Variants in EML6 observed in about 807,000 individuals in gnomAD.
The protein encoded by EML6 is echinoderm microtubule-associated protein-like 6.
EML6 carries 154 observed loss-of-function variants against 240.1 expected under a neutral mutation model. The observed-to-expected ratio is 0.64, with a 90% CI of 0.56 to 0.73. EML6 has a LOEUF of 0.73. Among genes scored for constraint, EML6 ranks in the 30% least tolerant of loss-of-function variants. The probability of loss-of-function intolerance (pLI) is 0.00; values close to 1 mark genes in which losing one functional copy is unlikely to be tolerated. For missense variants in EML6, 2,964 were observed against 2,474.6 expected (o/e 1.20, Z -4.20); for synonymous variants, 1,148 against 899.0 (o/e 1.28, Z -4.95).
chr2:54,837,527 G>T (rs566881271), intron 7 of EML6, among the ~76,000 whole-genome samples: 5 of 152,168 alleles, frequency 3.3e-5, no homozygotes, highest in African/African-American at 1.2e-4. Flanking sequence ...GGGCTTGCTT[G>T]TTTATCTCAA....
chr2:54,871,434 C>T (rs987531288), intron 15 of EML6, 66 bp from the exon 16 acceptor site: 17 of 1,282,652 alleles, frequency 1.3e-5, no homozygotes, highest in Non-Finnish European at 1.8e-5. Flanking sequence ...GTGTTGGACT[C>T]TAAGGAACAA....
intron 8 of EML6, among the ~76,000 whole-genome samples, chr2:54,846,298 A>G (rs530954433): frequency 1.3e-5 from 2 of 152,158 alleles, no homozygotes; most frequent in South Asian, 2.1e-4. Flanking sequence ...ATATATTTCA[A>G]TCTGTGTGTG....
intron 17 of EML6, among the ~76,000 whole-genome samples, chr2:54,884,393 A>G (rs920795893): frequency 1.3e-5 from 2 of 152,124 alleles, no homozygotes; most frequent in African/African-American, 4.8e-5. Context: ...AGGCTTCATT[A>G]CATAGGCATG....
At chr2:54,957,354 G>A (rs1478812389) in intron 32 of EML6, among the ~76,000 whole-genome samples, 25 of 106,458 alleles carry the variant, frequency 2.3e-4, no homozygotes, top group East Asian at 5.8e-4. Context: ...AGAATCTTAG[G>A]AAAAAAAAAA....
intron 21 of EML6, among the ~76,000 whole-genome samples, chr2:54,896,266 C>A (rs1247082456): frequency 6.6e-6 from 1 of 152,142 alleles, no homozygotes; most frequent in Non-Finnish European, 1.5e-5. Flanking sequence ...TCTGTCCGTC[C>A]ATAAAATGAA....
chr2:54,865,408 T>C (rs1670920348), intron 13 of EML6, among the ~76,000 whole-genome samples: 1 of 151,774 alleles, frequency 6.6e-6, no homozygotes, highest in Non-Finnish European at 1.5e-5. Context: ...GCCCAGGAGA[T>C]TGAGGGCTAC....
At chr2:54,855,191 T>C (rs1220421379) in intron 11 of EML6, among the ~76,000 whole-genome samples, 1 of 152,210 alleles carries the variant, frequency 6.6e-6, no homozygotes, top group East Asian at 1.9e-4. Context: ...CTCACGGTTT[T>C]GTAGGCTACA....
At chr2:54,928,121 A>T (rs779393303) in intron 26 of EML6, among the ~76,000 whole-genome samples, 192 bp from the exon 27 acceptor site, 2 of 152,202 alleles carry the variant, frequency 1.3e-5, no homozygotes, top group Admixed American at 6.5e-5. Context: ...TTGAGGACCT[A>T]TTGTGAGCTG....
In EML6 at chr2:54,853,698, G is replaced by A. The variant is rs1404118464; in HGVS notation, c.1500G>A (p.Trp500Ter). Residue 500 changes from tryptophan to a stop codon, truncating the protein, a stop_gained, in exon 11 of 42, where the codon TGG becomes TGA. Transcript: ENST00000356458. LOFTEE classifies it high-confidence loss of function. The stretch of plus-strand genomic sequence containing the variant: ...TTAAAGGGATTCCTTGGGCCTCCTG[G>A]ACATGCGTGAAAGGCCCTGAAGTGA... ...EEIKGIPWASWTCVKGPEVSG... is the reference protein window; with the variant it reads ...EEIKGIPWAS The A allele has an allele frequency of 6.4e-7, 1 of 1,550,710 alleles. No individual in the cohort carries two copies. The highest frequency in any genetic ancestry group is 8.7e-7 in the Non-Finnish European group (1 of 1,146,506).
intron 25 of EML6, among the ~76,000 whole-genome samples, chr2:54,913,308 T>A (rs909020825): frequency 6.6e-6 from 1 of 151,706 alleles, no homozygotes; most frequent in Non-Finnish European, 1.5e-5. Context: ...AGTGTAGCGG[T>A]ACCATCACGG....
At chr2:54,917,535 G>A (rs2104327324) in intron 26 of EML6, among the ~76,000 whole-genome samples, 1 of 151,948 alleles carries the variant, frequency 6.6e-6, no homozygotes, top group African/African-American at 2.4e-5. Context: ...ACTAATTTTT[G>A]TATTTTTAGT....
chr2:54,806,341 G>A (rs527256094), intron 2 of EML6, among the ~76,000 whole-genome samples: 8 of 151,940 alleles, frequency 5.3e-5, no homozygotes, highest in East Asian at 1.9e-4. Context: ...GGCCGGGCGC[G>A]GTGGCTCACA....
At chr2:54,869,499 A>G (rs749255983) in intron 15 of EML6, 132 bp downstream of exon 15, 49 of 717,986 alleles carry the variant, frequency 6.8e-5, no homozygotes, top group South Asian at 2.0e-4. Context: ...TTGAATGATC[A>G]TTGGATCCTT....
intron 38 of EML6, among the ~76,000 whole-genome samples, chr2:54,965,136 C>T (rs1676691367): frequency 6.6e-6 from 1 of 152,182 alleles, no homozygotes; most frequent in Non-Finnish European, 1.5e-5. Flanking sequence ...GGGCCCTGGA[C>T]TCCAGCCAGT....
In EML6 at chr2:54,962,503, T is replaced by C. The variant is rs756546943; in HGVS notation, c.4969-20T>C. On this transcript the variant is annotated intron_variant, in intron 35 of 41. Transcript: ENST00000356458. ...CATACAGTATTTGTCCTTTTTCTAATAGTGTTTCAATTACAACAGGGAAAA... is the reference window on the plus strand; with the variant it reads ...CATACAGTATTTGTCCTTTTTCTAACAGTGTTTCAATTACAACAGGGAAAA... 1.6e-5 allele frequency: 25 copies of C among 1,522,604 alleles called. No individual in the cohort carries two copies. Among genetic ancestry groups the C allele is most frequent in the East Asian group, 2.5e-5 (1 of 40,508 alleles). 94.3% of individuals were successfully genotyped at this position (1,522,604 alleles called of 1,614,324 possible).
At chr2:54,932,548 T>C (rs991293139) in intron 28 of EML6, among the ~76,000 whole-genome samples, 26 of 152,158 alleles carry the variant, frequency 1.7e-4, no homozygotes, top group African/African-American at 6.3e-4. Flanking sequence ...CCTTATCTCC[T>C]TTGCCGTGTT....
chr2:54,970,336 T>G lies in EML6; in HGVS notation c.*241T>G. 1 of 573,366 alleles carries G rather than the reference T, an allele frequency of 1.7e-6. No homozygotes were observed. 35.5% of individuals were successfully genotyped at this position (573,366 alleles called of 1,614,324 possible). A position where few individuals can be genotyped will look rare whatever the true frequency, so the allele number is the denominator to read the frequency against. On this transcript the variant is annotated 3_prime_UTR_variant, in exon 42 of 42. Transcript: ENST00000356458. ...GTTAAAGACTGCTTGCCTCTGTTCC[T>G]GAGACTAAACAGTATACATACTAAC... is the stretch of plus-strand genomic sequence containing the variant.
chr2:54,845,164 G>GT (rs1488333903), intron 8 of EML6, among the ~76,000 whole-genome samples: 5 of 152,266 alleles, frequency 3.3e-5, no homozygotes, highest in Admixed American at 6.5e-5. Context: ...CATTAATTCT[G>GT]TTTTTTCCAT....
chr2:54,758,566 C>T (rs983027334), intron 2 of EML6, among the ~76,000 whole-genome samples: 3 of 152,158 alleles, frequency 2.0e-5, no homozygotes, highest in Non-Finnish European at 4.4e-5. Flanking sequence ...TGTATTGTCC[C>T]CTAGTATATT....
Sources: gnomAD v4.1 joint callset for allele counts (sites outside exome capture counted in the v4.1 genomes callset) on GRCh38, gnomAD v4.1.1 for gene constraint, MANE v1.5 for transcripts, NCBI Gene and HGNC (gene_info 2026-07-23, HGNC 2026-07-21) for gene names.